Variants in SEMA5A observed in about 807,000 individuals in gnomAD.
The protein encoded by SEMA5A is semaphorin 5A.
In SEMA5A, 55 loss-of-function variants were observed where a neutral mutation model predicts 135.5. That is an observed-to-expected ratio of 0.41 (90% CI 0.33 to 0.51). The LOEUF is 0.51. Ranked by LOEUF, SEMA5A falls within the 20% of genes least tolerant of loss-of-function variation. SEMA5A has a pLI of 0.37. For missense variants in SEMA5A, 1,290 were observed against 1,419.9 expected, an observed-to-expected ratio of 0.91 and a Z score of 1.47; for synonymous variants, 580 against 546.5, an observed-to-expected ratio of 1.06 and a Z score of -0.85.
chr5:9,187,877 C>T (rs76365518), intron 11 of SEMA5A, among the ~76,000 whole-genome samples: 1,727 of 152,326 alleles, frequency 0.011, 29 homozygotes, highest in African/African-American at 0.039. Context: ...ACTCTCAACA[C>T]GGTGTGGGGG....
chr5:9,376,369 C>T (rs1217337882), intron 3 of SEMA5A, among the ~76,000 whole-genome samples: 1 of 152,180 alleles, frequency 6.6e-6, no homozygotes, highest in East Asian at 1.9e-4. Flanking sequence ...CTTTTCCTCT[C>T]CCTGGAAACC....
intron 5 of SEMA5A, among the ~76,000 whole-genome samples, chr5:9,269,687 T>C (rs1211152893): frequency 6.6e-6 from 1 of 152,124 alleles, no homozygotes; most frequent in African/African-American, 2.4e-5. Flanking sequence ...AATGTAAGAT[T>C]ATACATGGTG....
intron 5 of SEMA5A, among the ~76,000 whole-genome samples, chr5:9,286,567 T>C (rs991219074): frequency 6.6e-6 from 1 of 152,154 alleles, no homozygotes; most frequent in African/African-American, 2.4e-5. Context: ...ACCACCTCAC[T>C]GCCAGGAAAC....
intron 3 of SEMA5A, among the ~76,000 whole-genome samples, chr5:9,351,504 C>A (rs953323217): frequency 1.3e-5 from 2 of 151,742 alleles, no homozygotes; most frequent in Non-Finnish European, 2.9e-5. Flanking sequence ...AAGTTTATTG[C>A]CTTATGTATT....
intron 3 of SEMA5A, among the ~76,000 whole-genome samples, chr5:9,357,485 C>G (rs1754504797): frequency 6.6e-6 from 1 of 152,174 alleles, no homozygotes; most frequent in African/African-American, 2.4e-5. Flanking sequence ...TGCATTAGTT[C>G]TTTTTTCCCC....
chr5:9,403,273 C>T (rs1249083087), intron 2 of SEMA5A, among the ~76,000 whole-genome samples: 1 of 152,106 alleles, frequency 6.6e-6, no homozygotes, highest in Non-Finnish European at 1.5e-5. Context: ...CAATACAAAC[C>T]AGACCGTAAG....
chr5:9,093,695 AAAAAAAC>A (rs1248701944), intron 16 of SEMA5A, among the ~76,000 whole-genome samples: 4 of 151,744 alleles, frequency 2.6e-5, no homozygotes, highest in Admixed American at 2.6e-4. Context: ...TCTGTCTCAA[AAAAAAAC>A]AAAAAAACAA....
chr5:9,450,877 A>C (rs1030569325), intron 1 of SEMA5A, among the ~76,000 whole-genome samples: 47 of 152,156 alleles, frequency 3.1e-4, no homozygotes, highest in African/African-American at 1.1e-3. Flanking sequence ...ACTTTATTAC[A>C]TGTTGTACTT....
At chr5:9,173,068 A>AC (rs1744013146) in intron 11 of SEMA5A, among the ~76,000 whole-genome samples, 1 of 151,926 alleles carries the variant, frequency 6.6e-6, no homozygotes, top group South Asian at 2.1e-4. Flanking sequence ...ATGGGAAAAA[A>AC]ATTCAAAAGC....
intron 5 of SEMA5A, among the ~76,000 whole-genome samples, chr5:9,248,920 G>T (rs1748624160): frequency 6.6e-6 from 1 of 152,138 alleles, no homozygotes; most frequent in Admixed American, 6.6e-5. Context: ...AATTTCTGTT[G>T]CTCTAACCCA....
At chr5:9,315,359 A>C (rs1752344334) in intron 5 of SEMA5A, among the ~76,000 whole-genome samples, 1 of 152,216 alleles carries the variant, frequency 6.6e-6, no homozygotes, top group Non-Finnish European at 1.5e-5. Context: ...TTTCCAAAAA[A>C]CAATGACATT....
intron 18 of SEMA5A, among the ~76,000 whole-genome samples, chr5:9,061,031 A>AGG (rs982931431): frequency 1.3e-5 from 2 of 151,818 alleles, no homozygotes; most frequent in Non-Finnish European, 2.9e-5. Flanking sequence ...ACCCAGCTTA[A>AGG]GGGCAGCCTG....
intron 1 of SEMA5A, among the ~76,000 whole-genome samples, chr5:9,457,900 C>CT (rs70943966): frequency 0.12 from 8,407 of 70,370 alleles, 953 homozygotes; most frequent in Non-Finnish European, 0.15. Context: ...AGCATCTCTC[C>CT]TTTTTTTTTT....
intron 5 of SEMA5A, among the ~76,000 whole-genome samples, chr5:9,249,705 G>A (rs1748673669): frequency 6.6e-6 from 1 of 152,150 alleles, no homozygotes. Flanking sequence ...TCTTGAAGGG[G>A]AACACTCAAC....
At chr5:9,323,481 C>A (rs909565672) in intron 4 of SEMA5A, among the ~76,000 whole-genome samples, 1 of 151,466 alleles carries the variant, frequency 6.6e-6, no homozygotes, top group Non-Finnish European at 1.5e-5. Context: ...GTTGATGAAG[C>A]TTTCTTAAAA....
intron 11 of SEMA5A, among the ~76,000 whole-genome samples, chr5:9,161,987 C>T (rs1208715541): frequency 2.0e-5 from 3 of 152,252 alleles, no homozygotes. Context: ...TGCTGGCACA[C>T]AGCTCACAGG....
chr5:9,452,039 G>A (rs1032807789), intron 1 of SEMA5A, among the ~76,000 whole-genome samples: 2 of 152,200 alleles, frequency 1.3e-5, no homozygotes, highest in African/African-American at 4.8e-5. Context: ...TCTGTCAGTA[G>A]AAACAGACTC....
chr5:9,116,275 C>T (rs749569809), intron 15 of SEMA5A, among the ~76,000 whole-genome samples: 3 of 152,178 alleles, frequency 2.0e-5, no homozygotes, highest in Non-Finnish European at 4.4e-5. Flanking sequence ...GTTTATGGAA[C>T]TACCACTACA....
intron 5 of SEMA5A, among the ~76,000 whole-genome samples, chr5:9,307,455 C>T (rs1393040449): frequency 1.3e-5 from 2 of 151,826 alleles, no homozygotes; most frequent in South Asian, 4.2e-4. Context: ...GGTTCCAATC[C>T]ATCCACTCCA....
Sources: allele counts gnomAD v4.1 joint callset (sites outside exome capture counted in the v4.1 genomes callset), GRCh38; gene constraint gnomAD v4.1.1; transcripts MANE v1.5; gene names NCBI Gene and HGNC (gene_info 2026-07-23, HGNC 2026-07-21).